TNFRSF10A: variants seen among roughly 807,000 people sequenced by gnomAD.
TNFRSF10A encodes the protein TNF receptor superfamily member 10a.
TNFRSF10A carries 44 observed loss-of-function variants against 42.8 expected under a neutral mutation model. The ratio of observed to expected loss-of-function variants is 1.03; its 90% CI spans 0.81 to 1.32. The LOEUF is 1.32. Among genes scored for constraint, TNFRSF10A ranks in the 40% most tolerant of loss-of-function variants. The probability of loss-of-function intolerance (pLI) is 0.00; values close to 1 mark genes in which losing one functional copy is unlikely to be tolerated. For missense variants in TNFRSF10A, 680 were observed against 602.0 expected (o/e 1.13, Z -1.36); for synonymous variants, 259 against 234.2 (o/e 1.11, Z -0.97).
Position 23,201,883 on chromosome 8 carries a change from T to G in TNFRSF10A, c.554A>C (p.Asn185Thr). 6.2e-7 allele frequency: 1 copy of G among 1,614,190 alleles called. No individual in the cohort carries two copies. The highest frequency in any genetic ancestry group is 8.5e-7 in the Non-Finnish European group (1 of 1,180,036). Reference sequence around the variant, plus strand: ...TCCTGGTTTGCACTGACATGCTGTGTTCCTGGTCGTGGTGCAGGGACTTCT... The same window carrying G: ...TCCTGGTTTGCACTGACATGCTGTGGTCCTGGTCGTGGTGCAGGGACTTCT... ...EERSPCTTTRNTACQCKPGTF... is the reference protein window; with the variant it reads ...EERSPCTTTRTTACQCKPGTF... The change falls in exon 4 of 10, where the codon AAC becomes ACC. Residue 185 changes from asparagine to threonine, a missense_variant. Coordinates refer to ENST00000221132, the MANE Select transcript of TNFRSF10A (RefSeq NM_003844.4).
chr8:23,195,122 G>A (rs1358696994), intron 9 of TNFRSF10A, among the ~76,000 whole-genome samples: 1 of 152,200 alleles, frequency 6.6e-6, no homozygotes, highest in Admixed American at 6.5e-5. Flanking sequence ...TTGCACCACT[G>A]CACTCCAGCG....
At chr8:23,222,458 T>C (rs918864775) in intron 1 of TNFRSF10A, among the ~76,000 whole-genome samples, 2 of 152,244 alleles carry the variant, frequency 1.3e-5, no homozygotes, top group African/African-American at 4.8e-5. Context: ...GTTCACGCCA[T>C]GTGTTTCACC....
intron 8 of TNFRSF10A, among the ~76,000 whole-genome samples, chr8:23,198,554 AC>A (rs1800857794): frequency 6.6e-6 from 1 of 152,250 alleles, no homozygotes; most frequent in Non-Finnish European, 1.5e-5. Context: ...CACTGATCTT[AC>A]GCAAAAACAG....
intron 2 of TNFRSF10A, among the ~76,000 whole-genome samples, chr8:23,206,098 T>C (rs1801001940): frequency 6.6e-6 from 1 of 152,188 alleles, no homozygotes. Context: ...AAAATGTTTA[T>C]AGAATACGAA....
Position 23,201,809 on chromosome 8 carries a change from C to T in TNFRSF10A, c.628G>A (p.Gly210Arg), listed in dbSNP as rs146469828. 502 of 1,613,842 alleles carry T rather than the reference C, an allele frequency of 3.1e-4. 3 individuals carry two copies. The highest frequency in any genetic ancestry group is 3.7e-4 in the Non-Finnish European group (439 of 1,179,912). Residue 210 changes from glycine (G) to arginine (R), a missense_variant and splice_region_variant, in exon 4 of 10, where the codon GGG becomes AGG. Physicochemically the swap from Gly to Arg is moderately radical, Grantham distance 125 (BLOSUM62 -2). Coordinates refer to ENST00000221132, the MANE Select transcript of TNFRSF10A (RefSeq NM_003844.4). Reference sequence around the variant, plus strand: ...GGAGCCCCTTGGCTGTTGTCTCACCCTCTGCTGCACTTCCGGCACATCTCA... The same window carrying T: ...GGAGCCCCTTGGCTGTTGTCTCACCTTCTGCTGCACTTCCGGCACATCTCA... ...SAEMCRKCSR[G>R]CPRGMVKVKD...
Position 23,199,907 on chromosome 8 carries a change from C to T in TNFRSF10A, c.810G>A (p.Gly270=). Residue 270 remains glycine, a synonymous_variant, in exon 7 of 10, where the codon GGG becomes GGA. Coordinates refer to ENST00000221132, the MANE Select transcript of TNFRSF10A (RefSeq NM_003844.4). ...VCCCIGSGCG[G]DPKCMDRVCF... Reference sequence around the variant, plus strand: ...TCACCCTGTCCATGCACTTGGGGTCCCCTCCACAACCTAGAAGAGAAGACG... The same window carrying T: ...TCACCCTGTCCATGCACTTGGGGTCTCCTCCACAACCTAGAAGAGAAGACG... 6.2e-7 allele frequency: 1 copy of T among 1,614,088 alleles called. No individual in the cohort carries two copies. Among genetic ancestry groups the T allele is most frequent in the Non-Finnish European group, 8.5e-7 (1 of 1,179,994 alleles).
Position 23,197,062 on chromosome 8 carries a change from G to A in TNFRSF10A, c.1087+70C>T. The A allele has an allele frequency of 5.6e-6, 9 of 1,593,714 alleles. No individual in the cohort carries two copies. The South Asian group carries it at 9.9e-5, about 18-fold the overall frequency. Reference sequence around the variant, plus strand: ...GCTCTGGAAGAGCACTCTCAGCAATGGGGACACCAGTTAGGACACCGTCCC... The same window carrying A: ...GCTCTGGAAGAGCACTCTCAGCAATAGGGACACCAGTTAGGACACCGTCCC... On this transcript the variant is annotated intron_variant, in intron 9 of 9. Transcript: ENST00000221132.
At position 23,197,151 on chromosome 8, in the gene TNFRSF10A, AT is replaced by A; in HGVS notation, c.1067del (p.Asn356MetfsTer9). ...SQRRRLLVPA[N>X]GADPTETLML... ...ACTTACTCTCAGTGGGGTCAGCACCATTTGCTGGAACCAGCAGCCTCCTCCT... is the reference window on the plus strand; with the variant it reads ...ACTTACTCTCAGTGGGGTCAGCACCATTGCTGGAACCAGCAGCCTCCTCCT... On this transcript the variant is annotated frameshift_variant, in exon 9 of 10. Coordinates refer to ENST00000221132, the MANE Select transcript of TNFRSF10A (RefSeq NM_003844.4). LOFTEE classifies it low-confidence loss of function (END_TRUNC). 1 of 1,614,140 alleles carries A rather than the reference AT, an allele frequency of 6.2e-7. No individual in the cohort carries two copies. The highest frequency in any genetic ancestry group is 8.5e-7 in the Non-Finnish European group (1 of 1,179,998).
chr8:23,201,645 G>T (rs1239559632), intron 4 of TNFRSF10A, among the ~76,000 whole-genome samples, 163 bp downstream of exon 4: 1 of 152,114 alleles, frequency 6.6e-6, no homozygotes, highest in African/African-American at 2.4e-5. Flanking sequence ...GGGGCAGGTT[G>T]CAGGCTCAGG....
chr8:23,195,221 A>G (rs1038408913), intron 9 of TNFRSF10A, among the ~76,000 whole-genome samples: 13 of 152,194 alleles, frequency 8.5e-5, no homozygotes, highest in African/African-American at 3.1e-4. Flanking sequence ...CCAAACATGA[A>G]GCTGGGCAGG....
chr8:23,219,088 T>A (rs1585288635), intron 1 of TNFRSF10A, among the ~76,000 whole-genome samples: 1 of 150,176 alleles, frequency 6.7e-6, no homozygotes, highest in African/African-American at 2.4e-5. Context: ...ACAGCCTCTC[T>A]GGAGGTGGGG....
At chr8:23,215,956 T>A (rs1345243912) in intron 1 of TNFRSF10A, among the ~76,000 whole-genome samples, 1 of 151,982 alleles carries the variant, frequency 6.6e-6, no homozygotes, top group African/African-American at 2.4e-5. Context: ...GTAGCTGGGA[T>A]TACAGGCATG....
At chr8:23,195,809 C>T (rs1017838942) in intron 9 of TNFRSF10A, among the ~76,000 whole-genome samples, 27 of 152,108 alleles carry the variant, frequency 1.8e-4, no homozygotes, top group Non-Finnish European at 3.4e-4. Context: ...TCCTGGGTGG[C>T]CATGAGGTCA....
rs1449569659 is a variant in TNFRSF10A at position 23,190,921 on chromosome 8, G to A, written c.*773C>T. ...CACTGGTGTATGCCCTGGAGTCCAA[G>A]GGCTAGAAATCCTAGACTCTGATGT... On this transcript the variant is annotated 3_prime_UTR_variant, in exon 10 of 10. Coordinates refer to ENST00000221132, the MANE Select transcript of TNFRSF10A (RefSeq NM_003844.4). The A allele has an allele frequency of 2.6e-5, 4 of 152,208 alleles. No individual in the cohort carries two copies. Among genetic ancestry groups the A allele is most frequent in the African/African-American group, 9.7e-5 (4 of 41,450 alleles). 9.4% of individuals were successfully genotyped at this position (152,208 alleles called of 1,614,324 possible). A position where few individuals can be genotyped will look rare whatever the true frequency, so the allele number is the denominator to read the frequency against.
intron 1 of TNFRSF10A, among the ~76,000 whole-genome samples, chr8:23,221,489 G>A (rs1801254994): frequency 1.3e-5 from 2 of 152,198 alleles, no homozygotes; most frequent in African/African-American, 4.8e-5. Context: ...CACAGAGATT[G>A]GGCCAGTCCA....
At position 23,224,995 on chromosome 8, in the gene TNFRSF10A, C is replaced by A; in HGVS notation, c.67G>T (p.Ala23Ser). The A allele has an allele frequency of 6.3e-7, 1 of 1,590,612 alleles. No individual in the cohort carries two copies. The highest frequency in any genetic ancestry group is 8.6e-7 in the Non-Finnish European group (1 of 1,167,296). The change falls in exon 1 of 10, where the codon GCA (alanine) becomes TCA (serine). Residue 23 changes from alanine to serine, a missense_variant. By Grantham distance (99) the Ala-to-Ser change is moderately conservative. Coordinates refer to ENST00000221132, the MANE Select transcript of TNFRSF10A (RefSeq NM_003844.4). ...GCGGCTGCCTCTGTCCCACTCGCTG[C>A]GCTCCCGGGATTCGGAGTCACTGCC... ...FLAVTPNPGSAASGTEAAAAT... is the reference protein window; with the variant it reads ...FLAVTPNPGSSASGTEAAAAT...
chr8:23,199,150 C>A, intron 8 of TNFRSF10A, 116 bp downstream of exon 8: 1 of 1,311,806 alleles, frequency 7.6e-7, no homozygotes, highest in Non-Finnish European at 1.0e-6. Flanking sequence ...CCCACGCAGC[C>A]CCGTCCCCTG....
At chr8:23,221,563 T>A (rs1801256221) in intron 1 of TNFRSF10A, among the ~76,000 whole-genome samples, 1 of 152,204 alleles carries the variant, frequency 6.6e-6, no homozygotes, top group Non-Finnish European at 1.5e-5. Context: ...TCTGATGTCA[T>A]CCTGACAGTC....
chr8:23,199,954 G>T, intron 6 of TNFRSF10A, 37 bp from the exon 7 acceptor site: 1 of 1,613,824 alleles, frequency 6.2e-7, no homozygotes, highest in Non-Finnish European at 8.5e-7. Context: ...GGCCAGGGAG[G>T]GGCCCATGCA....
Sources: allele counts gnomAD v4.1 joint callset (sites outside exome capture counted in the v4.1 genomes callset), GRCh38; gene constraint gnomAD v4.1.1; transcripts MANE v1.5; gene names NCBI Gene and HGNC (gene_info 2026-07-23, HGNC 2026-07-21).